The following SLCO5A1 variants were observed in gnomAD, a reference collection of about 807,000 sequenced individuals.
SLCO5A1 encodes organic anion transporter polypeptide-related protein 4.
Under a neutral mutation model 65.1 loss-of-function variants are expected in SLCO5A1, and 39 were observed. That is an observed-to-expected ratio of 0.60 (90% CI 0.46 to 0.78). The LOEUF is 0.78. Ranked by LOEUF, SLCO5A1 falls within the 30% of genes least tolerant of loss-of-function variation. The pLI is 0.00. For synonymous variants in SLCO5A1, 438 were observed against 415.7 expected, an observed-to-expected ratio of 1.05 and a Z score of -0.65; for missense variants, 1,029 against 1,069.4, an observed-to-expected ratio of 0.96 and a Z score of 0.53.
At chr8:69,784,462 T>C (rs1182788012) in intron 2 of SLCO5A1, among the ~76,000 whole-genome samples, 2 of 152,038 alleles carry the variant, frequency 1.3e-5, no homozygotes, top group African/African-American at 4.8e-5. Context: ...AGTACAGCCA[T>C]GATGGAAAAT....
At chr8:69,828,700 T>G (rs1821036902) in intron 2 of SLCO5A1, among the ~76,000 whole-genome samples, 1 of 152,220 alleles carries the variant, frequency 6.6e-6, no homozygotes, top group South Asian at 2.1e-4. Flanking sequence ...ACCCCTACCT[T>G]GCACTGGCGG....
At chr8:69,738,327 A>C in intron 4 of SLCO5A1, 123 bp from the exon 5 acceptor site, 1 of 883,864 alleles carries the variant, frequency 1.1e-6, no homozygotes, top group South Asian at 2.3e-5. Context: ...CCAAGGAATA[A>C]AAATAGAAAG....
In SLCO5A1 at chr8:69,672,037, CCT is replaced by C. The variant is rs1275522166; in HGVS notation, c.*830_*831del. On this transcript the variant is annotated 3_prime_UTR_variant, in exon 10 of 10. Coordinates refer to ENST00000260126, the MANE Select transcript of SLCO5A1 (RefSeq NM_030958.3). ...GATGAGAAAGCTGTCATTTTCTTTCCCTATTATGCATTTCAAATTACAGTTTC... is the reference window on the plus strand; with the variant it reads ...GATGAGAAAGCTGTCATTTTCTTTCCATTATGCATTTCAAATTACAGTTTC... 1.3e-5 allele frequency: 2 copies of C among 152,160 alleles called. No homozygotes were observed. Among genetic ancestry groups the C allele is most frequent in the Non-Finnish European group, 2.9e-5 (2 of 68,018 alleles). The allele number at this position is 152,160 out of a possible 1,614,324, so 9.4% of individuals were successfully genotyped here.
At chr8:69,698,752 A>G (rs1056460973) in intron 6 of SLCO5A1, among the ~76,000 whole-genome samples, 6 of 152,230 alleles carry the variant, frequency 3.9e-5, no homozygotes, top group Non-Finnish European at 4.4e-5. Flanking sequence ...TATCACTTCA[A>G]TGTGAAAGAA....
Position 69,673,156 on chromosome 8 carries a change from A to G in SLCO5A1, c.2260T>C (p.Phe754Leu). 2 of 1,614,226 alleles carry G rather than the reference A, an allele frequency of 1.2e-6. No homozygotes were observed. The highest frequency in any genetic ancestry group is 1.7e-6 in the Non-Finnish European group (2 of 1,180,036). The change falls in exon 10 of 10, where the codon TTT becomes CTT. Residue 754 changes from phenylalanine to leucine, a missense_variant. Physicochemically the swap from Phe to Leu is conservative, Grantham distance 22. Around this residue, in one of 3 missense-constraint regions of SLCO5A1, gnomAD observed 258 missense variants for 237.4 expected, o/e 1.09. Transcript: ENST00000260126. ...TATTTTATGGAGTACCAGGCCAGAA[A>G]AATAAAAATAAACCCAACGAATTTG... The part of the protein sequence containing the change: ...GLKFVGFIFI[F>L]LAWYSIKYKE...
At chr8:69,682,840 A>C (rs1813841971) in intron 6 of SLCO5A1, among the ~76,000 whole-genome samples, 2 of 152,218 alleles carry the variant, frequency 1.3e-5, no homozygotes, top group Admixed American at 1.3e-4. Flanking sequence ...AAAAACTTGT[A>C]TTCTAGAATA....
intron 8 of SLCO5A1, among the ~76,000 whole-genome samples, chr8:69,677,999 G>GC (rs1294030895): frequency 1.3e-5 from 2 of 151,948 alleles, no homozygotes; most frequent in African/African-American, 4.8e-5. Context: ...GCTTCACCAC[G>GC]CTGCCCAGTT....
At chr8:69,818,071 C>T (rs902280990) in intron 2 of SLCO5A1, among the ~76,000 whole-genome samples, 1 of 152,180 alleles carries the variant, frequency 6.6e-6, no homozygotes. Context: ...AAAATGGATA[C>T]CATTCATCTC....
chr8:69,678,856 C>G (rs1248879839), intron 8 of SLCO5A1, among the ~76,000 whole-genome samples: 1 of 150,468 alleles, frequency 6.6e-6, no homozygotes, highest in Non-Finnish European at 1.5e-5. Flanking sequence ...CTTGACTCAA[C>G]TCTGAAATTT....
chr8:69,740,054 A>G (rs933916421), intron 4 of SLCO5A1, among the ~76,000 whole-genome samples: 14 of 152,252 alleles, frequency 9.2e-5, no homozygotes, highest in African/African-American at 2.4e-4. Context: ...GCCATTTGGC[A>G]TGATAAAATA....
intron 5 of SLCO5A1, among the ~76,000 whole-genome samples, chr8:69,735,464 A>G (rs989124887): frequency 1.3e-5 from 2 of 152,242 alleles, no homozygotes; most frequent in African/African-American, 2.4e-5. Flanking sequence ...TGTGGTACAT[A>G]TGCACCATGG....
chr8:69,736,807 G>A (rs1328291090), intron 5 of SLCO5A1, among the ~76,000 whole-genome samples: 1 of 152,124 alleles, frequency 6.6e-6, no homozygotes, highest in Non-Finnish European at 1.5e-5. Context: ...GGGAAATGCT[G>A]GAGACTACCC....
intron 2 of SLCO5A1, among the ~76,000 whole-genome samples, chr8:69,777,634 C>G (rs1005080289): frequency 6.6e-6 from 1 of 152,166 alleles, no homozygotes; most frequent in Non-Finnish European, 1.5e-5. Context: ...ATCAACAATT[C>G]TTAAGTTTTA....
At chr8:69,780,590 G>A (rs1205515221) in intron 2 of SLCO5A1, among the ~76,000 whole-genome samples, 2 of 152,176 alleles carry the variant, frequency 1.3e-5, no homozygotes, top group African/African-American at 4.8e-5. Flanking sequence ...ACAAATGGGA[G>A]CTAAATAATG....
intron 6 of SLCO5A1, among the ~76,000 whole-genome samples, chr8:69,702,788 G>C (rs1814800967): frequency 6.6e-6 from 1 of 152,184 alleles, no homozygotes; most frequent in African/African-American, 2.4e-5. Flanking sequence ...TAAATGAGCA[G>C]ATCCTAACAA....
chr8:69,750,317 C>T (rs892824110), intron 4 of SLCO5A1, among the ~76,000 whole-genome samples: 1 of 152,110 alleles, frequency 6.6e-6, no homozygotes, highest in East Asian at 1.9e-4. Flanking sequence ...GTCGAAACCT[C>T]TCCACTGGGC....
intron 6 of SLCO5A1, among the ~76,000 whole-genome samples, chr8:69,684,129 AT>A (rs1250072075): frequency 6.6e-6 from 1 of 152,240 alleles, no homozygotes; most frequent in Non-Finnish European, 1.5e-5. Flanking sequence ...CAAGACTCTA[AT>A]AATCATTACA....
intron 6 of SLCO5A1, among the ~76,000 whole-genome samples, chr8:69,691,354 C>A (rs914181070): frequency 6.6e-6 from 1 of 152,220 alleles, no homozygotes. Flanking sequence ...GTTAGAATAC[C>A]TAACATGAAA....
At chr8:69,692,181 G>A (rs753442270) in intron 6 of SLCO5A1, among the ~76,000 whole-genome samples, 29 of 152,252 alleles carry the variant, frequency 1.9e-4, no homozygotes, top group Non-Finnish European at 2.6e-4. Context: ...CCCGGGAGGC[G>A]GAGCTTGCAG....
Sources: gnomAD v4.1 joint callset for allele counts (sites outside exome capture counted in the v4.1 genomes callset) on GRCh38, gnomAD v4.1.1 for gene constraint, gnomAD v4.1.1 regional missense constraint, MANE v1.5 for transcripts, NCBI Gene and HGNC (gene_info 2026-07-23, HGNC 2026-07-21) for gene names.